ABI2: variants seen among roughly 807,000 people sequenced by gnomAD.
The protein encoded by ABI2 is abl interactor 2.
ABI2 carries 25 observed loss-of-function variants against 59.2 expected under a neutral mutation model. That is an observed-to-expected ratio of 0.42 (90% CI 0.31 to 0.59). The LOEUF (loss-of-function observed/expected upper bound fraction) is 0.59. ABI2 is among the 20% of genes least tolerant of loss of function. ABI2 has a pLI of 0.14. For synonymous variants in ABI2, 213 were observed against 235.5 expected, an observed-to-expected ratio of 0.90 and a Z score of 0.87; for missense variants, 545 against 681.8, an observed-to-expected ratio of 0.80 and a Z score of 2.23.
Position 203,395,719 on chromosome 2 carries a change from A to G in ABI2, c.789A>G (p.Gly263=). 1 of 1,611,980 alleles carries G rather than the reference A, an allele frequency of 6.2e-7. No homozygotes were observed. Among genetic ancestry groups the G allele is most frequent in the Non-Finnish European group, 8.5e-7 (1 of 1,179,120 alleles). ...SSRSSSRENS[G]SGSVGVPIAV... is the part of the protein sequence containing the mutation. ...GGAGCAGCAGTCGAGAGAACAGTGG[A>G]AGTGGTAGTGTGGGGGTTCCTATTG... The change falls in exon 7 of 12, where the codon GGA becomes GGG. Residue 263 remains glycine, a synonymous_variant. Coordinates refer to ENST00000261018, the MANE Select transcript of ABI2 (RefSeq NM_001375670.1).
intron 5 of ABI2, 37 bp downstream of exon 5, chr2:203,391,180 T>G: frequency 1.4e-6 from 2 of 1,385,228 alleles, no homozygotes; most frequent in Non-Finnish European, 2.0e-6. Flanking sequence ...CCATTTCATG[T>G]AGTATTGTTT....
At chr2:203,407,257 T>G (rs1362711657) in intron 9 of ABI2, among the ~76,000 whole-genome samples, 2 of 152,182 alleles carry the variant, frequency 1.3e-5, no homozygotes, top group Non-Finnish European at 2.9e-5. Context: ...TTGTTCTAAG[T>G]TGGTATTCAT....
At chr2:203,360,469 G>A (rs1276505467) in intron 1 of ABI2, among the ~76,000 whole-genome samples, 1 of 152,068 alleles carries the variant, frequency 6.6e-6, no homozygotes, top group East Asian at 1.9e-4. Flanking sequence ...AAACAAATTT[G>A]GTGGTTTGGG....
rs1398465740 is a variant in ABI2, at chr2:203,428,401, T to C, written c.*1049T>C. On this transcript the variant is annotated 3_prime_UTR_variant, in exon 12 of 12. Coordinates refer to ENST00000261018, the MANE Select transcript of ABI2 (RefSeq NM_001375670.1). The stretch of plus-strand genomic sequence containing the variant: ...TTGCTAATGTGCTCTCTGGACGTTA[T>C]TAATGGCCAGTATTAGTTGCTGCTG... 1 of 152,618 alleles carries C rather than the reference T, an allele frequency of 6.6e-6. No homozygotes were observed. Among genetic ancestry groups the C allele is most frequent in the Non-Finnish European group, 1.5e-5 (1 of 68,040 alleles). 9.5% of individuals were successfully genotyped at this position (152,618 alleles called of 1,614,324 possible).
intron 4 of ABI2, among the ~76,000 whole-genome samples, chr2:203,383,820 A>G (rs1219599969): frequency 2.0e-5 from 3 of 152,144 alleles, no homozygotes; most frequent in East Asian, 1.9e-4. Flanking sequence ...TAAATGTTCA[A>G]AATTTAAAAC....
intron 8 of ABI2, among the ~76,000 whole-genome samples, chr2:203,401,521 T>C (rs2097218465): frequency 6.6e-6 from 1 of 152,188 alleles, no homozygotes; most frequent in Non-Finnish European, 1.5e-5. Flanking sequence ...TGATGGATTA[T>C]GGAATCATGT....
intron 10 of ABI2, among the ~76,000 whole-genome samples, chr2:203,416,004 C>A (rs1411500304): frequency 6.6e-6 from 1 of 152,184 alleles, no homozygotes; most frequent in African/African-American, 2.4e-5. Context: ...AGAAGAAATT[C>A]TATAAGTAAA....
chr2:203,408,477 T>G (rs1458096551), intron 9 of ABI2, among the ~76,000 whole-genome samples: 2 of 151,896 alleles, frequency 1.3e-5, no homozygotes, highest in African/African-American at 4.8e-5. Flanking sequence ...GTGTACTTCT[T>G]AAAACCACTA....
intron 9 of ABI2, among the ~76,000 whole-genome samples, chr2:203,409,148 C>T (rs1232759141): frequency 1.3e-5 from 2 of 152,014 alleles, no homozygotes; most frequent in Non-Finnish European, 2.9e-5. Flanking sequence ...CAACTACCTT[C>T]TCTTTTCACT....
chr2:203,403,019 T>A (rs2097284615), intron 9 of ABI2, among the ~76,000 whole-genome samples: 1 of 152,256 alleles, frequency 6.6e-6, no homozygotes, highest in Non-Finnish European at 1.5e-5. Flanking sequence ...TTGTGGTGAA[T>A]GGTATTTCCT....
intron 9 of ABI2, among the ~76,000 whole-genome samples, chr2:203,406,033 C>T (rs1245618246): frequency 6.6e-6 from 1 of 152,112 alleles, no homozygotes; most frequent in African/African-American, 2.4e-5. Flanking sequence ...ACTGAAATCC[C>T]TTTGGTTCTC....
At chr2:203,410,477 A>G (rs915901099) in intron 9 of ABI2, among the ~76,000 whole-genome samples, 2 of 152,126 alleles carry the variant, frequency 1.3e-5, no homozygotes, top group African/African-American at 4.8e-5. Context: ...TATATATGTT[A>G]AACATCTGTT....
In ABI2 at chr2:203,328,461, G is replaced by C. The variant is rs2069969584; in HGVS notation, c.-54G>C. 1.3e-5 allele frequency: 19 copies of C among 1,441,832 alleles called. No homozygotes were observed. Among genetic ancestry groups the C allele is most frequent in the Non-Finnish European group, 1.4e-5 (15 of 1,053,968 alleles). 89.3% of individuals were successfully genotyped at this position (1,441,832 alleles called of 1,614,324 possible). On this transcript the variant is annotated 5_prime_UTR_variant, in exon 1 of 12. Coordinates refer to ENST00000261018, the MANE Select transcript of ABI2 (RefSeq NM_001375670.1). ...CGGTCCTGGGTTTCCTTGGCGCTGC[G>C]GCCGCCGCTCCCTCTGCGACCTGTA...
chr2:203,425,790 G>A (rs2098410026), intron 11 of ABI2, among the ~76,000 whole-genome samples: 1 of 152,142 alleles, frequency 6.6e-6, no homozygotes, highest in Admixed American at 6.5e-5. Flanking sequence ...GGGAGGCCGA[G>A]GCAAGTGGAT....
At chr2:203,369,964 A>G (rs1001585330) in intron 2 of ABI2, among the ~76,000 whole-genome samples, 1 of 152,082 alleles carries the variant, frequency 6.6e-6, no homozygotes, top group Admixed American at 6.5e-5. Flanking sequence ...TTAAAAAGTC[A>G]GTTGAATATC....
Position 203,431,483 on chromosome 2 carries a change from T to C in ABI2, c.*4131T>C, listed in dbSNP as rs1349714462. On this transcript the variant is annotated 3_prime_UTR_variant, in exon 12 of 12. Coordinates refer to ENST00000261018, the MANE Select transcript of ABI2 (RefSeq NM_001375670.1). ...TTAATTTGTGGAAATAATCTTCATT[T>C]ACCCCTCCTAAAACTACACTCAGTA... is the stretch of plus-strand genomic sequence containing the variant. The C allele has an allele frequency of 6.6e-6, 1 of 152,636 alleles. No individual in the cohort carries two copies. Among genetic ancestry groups the C allele is most frequent in the African/African-American group, 2.4e-5 (1 of 41,452 alleles). 9.5% of individuals were successfully genotyped at this position (152,636 alleles called of 1,614,324 possible).
chr2:203,411,503 C>T (rs2097675407), intron 10 of ABI2, 132 bp downstream of exon 10: 1 of 702,068 alleles, frequency 1.4e-6, no homozygotes, highest in East Asian at 2.8e-5. Context: ...CACTGTCTGG[C>T]TAGTGGAGAT....
At chr2:203,392,726 A>C (rs143387366) in intron 5 of ABI2, among the ~76,000 whole-genome samples, 316 of 152,286 alleles carry the variant, frequency 2.1e-3, no homozygotes, top group African/African-American at 7.2e-3. Flanking sequence ...GTTTTAAGTC[A>C]AGATTGTTAG....
At chr2:203,419,214 A>G (rs1460958896) in intron 11 of ABI2, among the ~76,000 whole-genome samples, 1 of 144,824 alleles carries the variant, frequency 6.9e-6, no homozygotes, top group Non-Finnish European at 1.5e-5. Context: ...GGTTCACGCC[A>G]TTCTTCTGCC....
Sources: allele counts gnomAD v4.1 joint callset (sites outside exome capture counted in the v4.1 genomes callset), GRCh38; gene constraint gnomAD v4.1.1; transcripts MANE v1.5; gene names NCBI Gene and HGNC (gene_info 2026-07-23, HGNC 2026-07-21).